Variants in TYW1B observed in about 807,000 individuals in gnomAD.
TYW1B encodes the protein S-adenosyl-L-methionine-dependent tRNA 4-demethylwyosine synthase TYW1B.
A neutral mutation model predicts 86.9 loss-of-function variants in TYW1B; 73 were observed. The observed-to-expected ratio is 0.84, with a 90% confidence interval of 0.70 to 1.02. The LOEUF (loss-of-function observed/expected upper bound fraction) is 1.02, where lower values mean the gene tolerates loss of function less well. Among genes scored for constraint, TYW1B ranks in the 50% least tolerant of loss-of-function variants. The probability of loss-of-function intolerance (pLI) is 0.00; values close to 1 mark genes in which losing one functional copy is unlikely to be tolerated. For missense variants in TYW1B, 637 were observed against 827.4 expected, an observed-to-expected ratio of 0.77 and a Z score of 2.82; for synonymous variants, 248 against 292.8, an observed-to-expected ratio of 0.85 and a Z score of 1.56.
chr7:72,693,707 T>C (rs1814232078), intron 11 of TYW1B, among the ~76,000 whole-genome samples: 1 of 152,090 alleles, frequency 6.6e-6, no homozygotes, highest in Admixed American at 6.6e-5. Flanking sequence ...CAGACGCCTC[T>C]TTTAAGGTGG....
chr7:72,808,096 C>CAAAA (rs3034181), intron 4 of TYW1B, among the ~76,000 whole-genome samples: 1 of 90,736 alleles, frequency 1.1e-5, no homozygotes, highest in East Asian at 3.1e-4. Flanking sequence ...GACTCTGTCT[C>CAAAA]AAAAAAAAAA....
At chr7:72,616,206 G>T (rs1812067326) in intron 13 of TYW1B, among the ~76,000 whole-genome samples, 1 of 151,998 alleles carries the variant, frequency 6.6e-6, no homozygotes, top group African/African-American at 2.4e-5. Flanking sequence ...GGACTAAAGG[G>T]GGAAAAATGG....
At chr7:72,649,233 T>C (rs1236782835) in intron 11 of TYW1B, among the ~76,000 whole-genome samples, 1 of 152,000 alleles carries the variant, frequency 6.6e-6, no homozygotes, top group Non-Finnish European at 1.5e-5. Context: ...GAAGACAAAA[T>C]AGCTGAAAGA....
chr7:72,735,819 G>A (rs1554460922), intron 8 of TYW1B, among the ~76,000 whole-genome samples: 2 of 146,752 alleles, frequency 1.4e-5, no homozygotes, highest in Non-Finnish European at 3.0e-5. Flanking sequence ...GCAGTGAGCT[G>A]AGATCAGGCC....
intron 10 of TYW1B, among the ~76,000 whole-genome samples, chr7:72,709,191 T>C (rs1247603295): frequency 6.6e-6 from 1 of 152,190 alleles, no homozygotes; most frequent in Non-Finnish European, 1.5e-5. Context: ...TCTTTCTAGA[T>C]AGGTATTTCA....
intron 2 of TYW1B, 134 bp downstream of exon 2, chr7:72,826,721 G>C (rs1278645886): frequency 1.7e-6 from 2 of 1,191,332 alleles, no homozygotes; most frequent in Non-Finnish European, 2.2e-6. Flanking sequence ...ACTTAGAGAA[G>C]AAATTTATTT....
At chr7:72,733,504 A>G (rs1787148916) in intron 8 of TYW1B, among the ~76,000 whole-genome samples, 1 of 152,096 alleles carries the variant, frequency 6.6e-6, no homozygotes, top group Admixed American at 6.6e-5. Flanking sequence ...CTAAAAAAAT[A>G]CAAAAAATTA....
intron 11 of TYW1B, among the ~76,000 whole-genome samples, chr7:72,647,841 C>A (rs1335779943): frequency 2.0e-5 from 3 of 152,200 alleles, no homozygotes; most frequent in African/African-American, 7.2e-5. Context: ...CATGCCATCA[C>A]ATCCAGCCAA....
chr7:72,757,171 C>T (rs1787605307), intron 7 of TYW1B, among the ~76,000 whole-genome samples: 1 of 152,014 alleles, frequency 6.6e-6, no homozygotes, highest in Non-Finnish European at 1.5e-5. Flanking sequence ...AGTTCGAGAC[C>T]AGCCTGACCA....
At chr7:72,684,975 A>G (rs1356231894) in intron 11 of TYW1B, among the ~76,000 whole-genome samples, 3 of 152,034 alleles carry the variant, frequency 2.0e-5, no homozygotes, top group Non-Finnish European at 4.4e-5. Context: ...AGCCAAGTGT[A>G]ATGGCGAGTG....
At chr7:72,703,018 ATATATATATTT>A (rs1213457945) in intron 10 of TYW1B, among the ~76,000 whole-genome samples, 10 of 14,444 alleles carry the variant, frequency 6.9e-4, no homozygotes, top group African/African-American at 1.5e-3. Flanking sequence ...ATATATATAT[ATATATATATTT>A]TTTTTTTTTT....
At chr7:72,642,929 C>CTA (rs1375154349) in intron 11 of TYW1B, among the ~76,000 whole-genome samples, 1 of 152,102 alleles carries the variant, frequency 6.6e-6, no homozygotes, top group African/African-American at 2.4e-5. Context: ...CTGATTCATG[C>CTA]TATAACACGC....
intron 3 of TYW1B, 78 bp from the exon 4 acceptor site, chr7:72,810,743 G>C (rs1247169288): frequency 1.3e-6 from 2 of 1,502,406 alleles, no homozygotes; most frequent in African/African-American, 2.8e-5. Flanking sequence ...TTGAAAAAAA[G>C]CATACTCATC....
intron 11 of TYW1B, among the ~76,000 whole-genome samples, chr7:72,679,984 C>T (rs1458820532): frequency 5.3e-5 from 8 of 152,080 alleles, no homozygotes; most frequent in Non-Finnish European, 8.8e-5. Flanking sequence ...AAAAATTAGC[C>T]GGGCGCAGTG....
At chr7:72,757,571 G>A (rs901440650) in intron 7 of TYW1B, among the ~76,000 whole-genome samples, 1 of 152,092 alleles carries the variant, frequency 6.6e-6, no homozygotes, top group African/African-American at 2.4e-5. Flanking sequence ...AAATAGGCCT[G>A]CCCATATGAT....
chr7:72,670,635 T>C (rs2507792), intron 11 of TYW1B, among the ~76,000 whole-genome samples: 2 of 152,228 alleles, frequency 1.3e-5, no homozygotes, highest in East Asian at 1.9e-4. Flanking sequence ...AACACTCGCA[T>C]TCTGCTCGCT....
rs184192475 is a variant in TYW1B at position 72,773,373 on chromosome 7, C to T, written c.964+4043G>A. ...ATATATGAAACAACAGATTTCAGAA[C>T]ATGAGACATCAGGCAACAAAAGATG... On this transcript the variant is annotated intron_variant, in intron 7 of 13. Transcript: ENST00000620995. 2.2e-3 allele frequency among the ~76,000 whole-genome samples: 332 copies of T among 152,262 alleles called. 5 individuals are homozygous for T. Among genetic ancestry groups the T allele is most frequent in the Non-Finnish European group, 5.3e-4 (36 of 68,024 alleles).
intron 2 of TYW1B, among the ~76,000 whole-genome samples, chr7:72,817,325 T>C (rs1788742441): frequency 6.6e-6 from 1 of 151,776 alleles, no homozygotes; most frequent in Admixed American, 6.6e-5. Flanking sequence ...GGAGAACTGC[T>C]CGAACCCAGG....
chr7:72,652,377 GAAAAAAAAAAAAAAAAAA>G (rs1169791430), intron 11 of TYW1B, among the ~76,000 whole-genome samples: 1 of 31,286 alleles, frequency 3.2e-5, no homozygotes, highest in Non-Finnish European at 6.6e-5. Flanking sequence ...GACTCTGTCT[GAAAAAAAAAAAAAAAAAA>G]AAAAAAAAAA....
Sources: gnomAD v4.1 joint callset for allele counts (sites outside exome capture counted in the v4.1 genomes callset) on GRCh38, gnomAD v4.1.1 for gene constraint, MANE v1.5 for transcripts, NCBI Gene and HGNC (gene_info 2026-07-23, HGNC 2026-07-21) for gene names.